LRTM3: variants seen among roughly 807,000 people sequenced by gnomAD.
LRTM3 encodes the protein leucine rich repeat transmembrane protein 3.
chr13:102,736,730 T>C, the LRTM3 span: 1 of 1,550,632 alleles, frequency 6.4e-7, no homozygotes, highest in Middle Eastern at 1.7e-4. Flanking sequence ...GGGTGATTTC[T>C]CTGCCTTTAC....
the LRTM3 span, chr13:102,735,239 C>T: frequency 6.4e-7 from 1 of 1,551,214 alleles, no homozygotes; most frequent in African/African-American, 1.4e-5. Context: ...ATCCAGTACA[C>T]TGGTCATATC....
At chr13:102,754,316 A>G in the LRTM3 span, among the ~76,000 whole-genome samples, 1 of 71,130 alleles carries the variant, frequency 1.4e-5, no homozygotes, top group Non-Finnish European at 4.4e-5. Context: ...TGGTCAGCAC[A>G]GTTCTCTCTA....
At chr13:102,747,269 G>A in the LRTM3 span, 1 of 1,549,166 alleles carries the variant, frequency 6.5e-7, no homozygotes, top group Middle Eastern at 1.7e-4. Context: ...AGACATGGGA[G>A]GGTAAATAAC....
chr13:102,729,607 T>A, the LRTM3 span: 1 of 1,544,364 alleles, frequency 6.5e-7, no homozygotes, highest in Non-Finnish European at 8.7e-7. Flanking sequence ...AGCGAATGGT[T>A]TTGGGTATAA....
At chr13:102,742,611 T>C in the LRTM3 span, 1 of 1,550,644 alleles carries the variant, frequency 6.4e-7, no homozygotes, top group Admixed American at 2.0e-5. Context: ...TTCTGGGCTT[T>C]AAAGTTCTGT....
the LRTM3 span, among the ~76,000 whole-genome samples, chr13:102,756,673 T>TAAA: frequency 1.1e-3 from 75 of 66,960 alleles, 1 homozygote; most frequent in East Asian, 2.0e-3. Context: ...AAACTCTGTC[T>TAAA]AAAAAAAAAA....
At chr13:102,730,346 C>T in the LRTM3 span, 1 of 1,551,102 alleles carries the variant, frequency 6.4e-7, no homozygotes, top group Non-Finnish European at 8.7e-7. Flanking sequence ...AAGACATGAA[C>T]ACTCGTCCAA....
At chr13:102,739,890 A>C in the LRTM3 span, 1 of 1,550,184 alleles carries the variant, frequency 6.5e-7, no homozygotes. Flanking sequence ...GTCATGTTCC[A>C]CTGCATTTCT....
the LRTM3 span, chr13:102,749,570 A>G: frequency 4.5e-5 from 70 of 1,551,280 alleles, no homozygotes; most frequent in Non-Finnish European, 5.8e-5. Flanking sequence ...TGCCTCAACA[A>G]TTGATGGAAC....
chr13:102,745,974 T>G, the LRTM3 span: 1 of 1,551,166 alleles, frequency 6.4e-7, no homozygotes, highest in Non-Finnish European at 8.7e-7. Context: ...TGATATGCAT[T>G]GAGTATTAAG....
the LRTM3 span, chr13:102,729,972 T>C: frequency 6.4e-7 from 1 of 1,551,886 alleles, no homozygotes; most frequent in Non-Finnish European, 8.7e-7. Context: ...CTTGTTCTGC[T>C]CTTGGTAGTC....
the LRTM3 span, chr13:102,736,976 G>T: frequency 1.3e-6 from 2 of 1,551,034 alleles, no homozygotes; most frequent in Admixed American, 2.0e-5. Context: ...TTTACAGTGA[G>T]ATAGAGAAGG....
chr13:102,748,504 A>G, the LRTM3 span: 99 of 1,550,718 alleles, frequency 6.4e-5, no homozygotes, highest in Non-Finnish European at 8.4e-5. Context: ...ACTCCTCTCC[A>G]TTTGAAAGTT....
At chr13:102,733,768 G>C in the LRTM3 span, 1 of 1,551,350 alleles carries the variant, frequency 6.4e-7, no homozygotes, top group Non-Finnish European at 8.7e-7. Context: ...CTTCTGACCT[G>C]ACTCGTGAAG....
the LRTM3 span, chr13:102,747,626 C>G: frequency 1.3e-6 from 2 of 1,551,198 alleles, no homozygotes; most frequent in Admixed American, 3.9e-5. Context: ...AAATGGGACA[C>G]TATACTCTGT....
chr13:102,742,273 T>C, the LRTM3 span: 1 of 1,550,330 alleles, frequency 6.5e-7, no homozygotes, highest in East Asian at 2.4e-5. Context: ...TTATTCTTTT[T>C]GCCTTCAATT....
chr13:102,751,379 ACAC>A, the LRTM3 span, among the ~76,000 whole-genome samples: 1 of 142,822 alleles, frequency 7.0e-6, no homozygotes, highest in Non-Finnish European at 1.5e-5. Flanking sequence ...ACACACACAC[ACAC>A]ACACACATAT....
the LRTM3 span, chr13:102,741,598 C>T: frequency 6.4e-7 from 1 of 1,550,422 alleles, no homozygotes; most frequent in Non-Finnish European, 8.7e-7. Context: ...AGGCCATAGA[C>T]CCCAGGTTTG....
At chr13:102,746,206 G>A in the LRTM3 span, 3 of 1,550,812 alleles carry the variant, frequency 1.9e-6, no homozygotes, top group Non-Finnish European at 2.6e-6. Context: ...TCAGCACTGG[G>A]TCTGATTCAA....
Sources: gnomAD v4.1 joint callset for allele counts (sites outside exome capture counted in the v4.1 genomes callset) on GRCh38, gnomAD v4.1.1 for gene constraint, MANE v1.5 for transcripts, NCBI Gene and HGNC (gene_info 2026-07-23, HGNC 2026-07-21) for gene names.